PGRMC1: variants seen among roughly 807,000 people sequenced by gnomAD.
PGRMC1 encodes progesterone receptor membrane component 1, also known as membrane-associated progesterone receptor component 1.
For synonymous variants in PGRMC1, 73 were observed against 77.3 expected (o/e 0.94, Z 0.29); for missense variants, 145 against 169.0 (o/e 0.86, Z 0.79).
rs1930862565 is a variant in PGRMC1, at chrX:119,243,263, G to GTGGAAGTATA, written c.*11_*20dup. 2 of 1,074,316 alleles carry GTGGAAGTATA rather than the reference G, an allele frequency of 1.9e-6. No individual in the cohort carries two copies. The highest frequency in any genetic ancestry group is 2.2e-5 in the Admixed American group (1 of 45,660). 88.5% of individuals were successfully genotyped at this position (1,074,316 alleles called of 1,213,427 possible). ...CCCGGAAAAATGATTAAAGCATTCAGTGGAAGTATATCTATTTTTGTATTT... is the reference window on the plus strand; with the variant it reads ...CCCGGAAAAATGATTAAAGCATTCAGTGGAAGTATATGGAAGTATATCTATTTTTGTATTT... On this transcript the variant is annotated 3_prime_UTR_variant, in exon 3 of 3. Transcript: ENST00000217971.
chrX:119,236,312 T>C lies in PGRMC1; in HGVS notation c.-52T>C. On this transcript the variant is annotated 5_prime_UTR_variant, in exon 1 of 3. Transcript: ENST00000217971. The stretch of plus-strand genomic sequence containing the variant: ...TCGCTCGCTCAGAGGGAGGAGAAAG[T>C]GGCGAGTTCCGGATCCCTGCCTAGC... The C allele has an allele frequency of 9.1e-7, 1 of 1,096,967 alleles. No homozygotes were observed. The highest frequency in any genetic ancestry group is 1.3e-6 in the Non-Finnish European group (1 of 798,614). The allele number at this position is 1,096,967 out of a possible 1,213,427, so 90.4% of individuals were successfully genotyped here.
chrX:119,239,263 A>G, intron 1 of PGRMC1, among the ~76,000 whole-genome samples: 1 of 112,050 alleles, frequency 8.9e-6, no homozygotes, highest in Non-Finnish European at 1.9e-5. Flanking sequence ...AAAAATAAGC[A>G]TTTTTCTTTG....
intron 1 of PGRMC1, among the ~76,000 whole-genome samples, chrX:119,237,694 T>C (rs1050547950): frequency 9.0e-6 from 1 of 110,720 alleles, no homozygotes; most frequent in African/African-American, 3.3e-5. Context: ...GGTGGGGGGA[T>C]ATCAGGAAAA....
At chrX:119,242,490 T>TA (rs1930841356) in intron 2 of PGRMC1, among the ~76,000 whole-genome samples, 1 of 111,568 alleles carries the variant, frequency 9.0e-6, no homozygotes, top group Non-Finnish European at 1.9e-5. Flanking sequence ...AGTCTCTCCT[T>TA]ACTGAAATCT....
At chrX:119,243,070 T>C in intron 2 of PGRMC1, 81 bp from the exon 3 acceptor site, 1 of 646,100 alleles carries the variant, frequency 1.5e-6, no homozygotes, top group Non-Finnish European at 2.6e-6. Flanking sequence ...AGGCCTCTAA[T>C]AAATGCTTTA....
At position 119,240,471 on chromosome X, in the gene PGRMC1, A is replaced by G. The variant is rs1930793364; in HGVS notation, c.484+7A>G. The G allele has an allele frequency of 8.4e-7, 1 of 1,193,615 alleles. No homozygotes were observed. Among genetic ancestry groups the G allele is most frequent in the Non-Finnish European group, 1.1e-6 (1 of 879,284 alleles). On this transcript the variant is annotated splice_region_variant and intron_variant, in intron 2 of 2. Transcript: ENST00000217971. ...TGGGAGTCTCAGTTCACTTGTAAGC[A>G]TTTTTAAAATTGTGTCTGGGTCAAA...
chrX:119,242,846 C>T (rs1248746807), intron 2 of PGRMC1, among the ~76,000 whole-genome samples: 1 of 110,057 alleles, frequency 9.1e-6, no homozygotes, highest in African/African-American at 3.5e-5. Context: ...TTCTGTAACC[C>T]TTCTGATGAA....
At chrX:119,242,093 C>A (rs893280716) in intron 2 of PGRMC1, among the ~76,000 whole-genome samples, 3 of 111,777 alleles carry the variant, frequency 2.7e-5, no homozygotes, top group African/African-American at 9.8e-5. Flanking sequence ...AAACTTCTTA[C>A]AAGTTTTTAT....
chrX:119,240,160 C>A, intron 1 of PGRMC1, 149 bp from the exon 2 acceptor site: 1 of 535,152 alleles, frequency 1.9e-6, no homozygotes, highest in Non-Finnish European at 3.2e-6. Flanking sequence ...ACATAATGTT[C>A]AGAATATCAG....
chrX:119,236,739 G>A, intron 1 of PGRMC1, 48 bp downstream of exon 1: 3 of 1,037,531 alleles, frequency 2.9e-6, no homozygotes, highest in Non-Finnish European at 3.9e-6. Flanking sequence ...GGGGGCCCCG[G>A]CACGGGGCTG....
chrX:119,236,707 G>C lies in PGRMC1; in HGVS notation c.328+16G>C, dbSNP rs2147229026. ...TACGGGCCCGGTACGCGGCCGGCGA[G>C]GGGGGCTTGGAGACAAAAGAAGGGG... On this transcript the variant is annotated intron_variant, in intron 1 of 2. Transcript: ENST00000217971. The C allele has an allele frequency of 1.7e-6, 2 of 1,153,672 alleles. No homozygotes were observed. The highest frequency in any genetic ancestry group is 4.0e-5 in the South Asian group (2 of 49,829).
chrX:119,238,137 A>T (rs2147229707), intron 1 of PGRMC1, among the ~76,000 whole-genome samples: 1 of 112,208 alleles, frequency 8.9e-6, no homozygotes, highest in Admixed American at 9.3e-5. Context: ...TTAGTCTCCC[A>T]GTCCAACTGA....
chrX:119,236,681 C>T lies in PGRMC1; in HGVS notation c.318C>T (p.Phe106=). Residue 106 remains phenylalanine (F), a synonymous_variant, in exon 1 of 3, where the codon TTC becomes TTT. Coordinates refer to ENST00000217971, the MANE Select transcript of PGRMC1 (RefSeq NM_006667.5). ...KVFDVTKGRK[F]YGPEGPYGVF... ...TCGATGTGACCAAAGGCCGCAAATT[C>T]TACGGGCCCGGTACGCGGCCGGCGA... 8.4e-7 allele frequency: 1 copy of T among 1,192,342 alleles called. No homozygotes were observed. Among genetic ancestry groups the T allele is most frequent in the Non-Finnish European group, 1.1e-6 (1 of 885,451 alleles).
intron 2 of PGRMC1, among the ~76,000 whole-genome samples, chrX:119,241,194 A>G (rs187825906): frequency 8.9e-6 from 1 of 112,653 alleles, no homozygotes; most frequent in African/African-American, 3.2e-5. Context: ...AAAGACCATG[A>G]GCATTATTTG....
intron 2 of PGRMC1, among the ~76,000 whole-genome samples, chrX:119,241,254 GT>G (rs1462975335): frequency 8.9e-6 from 1 of 112,202 alleles, no homozygotes; most frequent in Non-Finnish European, 1.9e-5. Flanking sequence ...TCTATAATCA[GT>G]TAAATATTAC....
Position 119,242,897 on chromosome X carries a change from C to A in PGRMC1, c.485-254C>A, listed in dbSNP as rs964776802. On this transcript the variant is annotated intron_variant, in intron 2 of 2. Transcript: ENST00000217971. ...TGTTCTTCTAAACATTCCTTACACA[C>A]AAACAATTCATTTTGACGTTACCTT... Among the ~76,000 whole-genome samples the A allele has an allele frequency of 1.2e-4, 14 of 112,475 alleles. 1 individual carries two copies. In the East Asian group the frequency reaches 3.9e-3, roughly 31 times the overall value.
chrX:119,244,219 C>T lies in PGRMC1; in HGVS notation c.*965C>T, dbSNP rs757933575. On this transcript the variant is annotated 3_prime_UTR_variant, in exon 3 of 3. Coordinates refer to ENST00000217971, the MANE Select transcript of PGRMC1 (RefSeq NM_006667.5). ...TTATTCTGTTGTTATAAAACTATAC[C>T]CACTGCAAAAGTAGTAGTCAAGTGT... The T allele has an allele frequency of 8.9e-6, 1 of 112,166 alleles. No individual in the cohort carries two copies. Among genetic ancestry groups the T allele is most frequent in the East Asian group, 2.8e-4 (1 of 3,561 alleles). 9.2% of individuals were successfully genotyped at this position (112,166 alleles called of 1,213,427 possible).
chrX:119,236,483 C>T lies in PGRMC1; in HGVS notation c.120C>T (p.Phe40=). ...TGCTGCTGCTTGGCCTCTGCATCTT[C>T]CTGCTCTACAAGATCGTGCGCGGGG... ...LNLLLLGLCI[F]LLYKIVRGDQ... The change falls in exon 1 of 3, where the codon TTC becomes TTT. Residue 40 remains phenylalanine (F), a synonymous_variant. Coordinates refer to ENST00000217971, the MANE Select transcript of PGRMC1 (RefSeq NM_006667.5). 2.5e-6 allele frequency: 3 copies of T among 1,210,981 alleles called. No homozygotes were observed. The highest frequency in any genetic ancestry group is 3.4e-6 in the Non-Finnish European group (3 of 895,025).
At chrX:119,242,444 T>A (rs964724357) in intron 2 of PGRMC1, among the ~76,000 whole-genome samples, 9 of 111,314 alleles carry the variant, frequency 8.1e-5, no homozygotes, top group Admixed American at 2.9e-4. Context: ...CCTTTGCATC[T>A]GGATCTGCAC....
Sources: allele counts gnomAD v4.1 joint callset (sites outside exome capture counted in the v4.1 genomes callset), GRCh38; gene constraint gnomAD v4.1.1; transcripts MANE v1.5; gene names NCBI Gene and HGNC (gene_info 2026-07-23, HGNC 2026-07-21).